Variants in ULK4 observed in about 807,000 individuals in gnomAD.
The protein encoded by ULK4 is unc-51 like kinase 4.
In ULK4, 133 loss-of-function variants were observed where a neutral mutation model predicts 160.6. The observed-to-expected ratio is 0.83, with a 90% CI of 0.72 to 0.96. The LOEUF (loss-of-function observed/expected upper bound fraction) is 0.96, where lower values mean the gene tolerates loss of function less well. ULK4 is among the 40% of genes least tolerant of loss of function. The pLI is 0.00. For synonymous variants in ULK4, 534 were observed against 539.8 expected, an observed-to-expected ratio of 0.99 and a Z score of 0.15; for missense variants, 1,580 against 1,499.5, an observed-to-expected ratio of 1.05 and a Z score of -0.89.
At chr3:41,390,972 C>T (rs891256226) in intron 35 of ULK4, among the ~76,000 whole-genome samples, 11 of 151,982 alleles carry the variant, frequency 7.2e-5, no homozygotes, top group Non-Finnish European at 1.5e-5. Context: ...CCTTCACAGC[C>T]TCTAGAACTC....
At chr3:41,669,837 T>C (rs959973954) in intron 29 of ULK4, among the ~76,000 whole-genome samples, 2 of 152,126 alleles carry the variant, frequency 1.3e-5, no homozygotes, top group Admixed American at 6.5e-5. Context: ...GATAATAACA[T>C]AGACAATAAC....
At chr3:41,830,930 C>T (rs2041558275) in intron 18 of ULK4, among the ~76,000 whole-genome samples, 2 of 151,754 alleles carry the variant, frequency 1.3e-5, no homozygotes, top group Non-Finnish European at 2.9e-5. Context: ...CCAGCCCTAT[C>T]CCCAAAGAAC....
chr3:41,748,159 T>TATAC (rs1553643740), intron 22 of ULK4, among the ~76,000 whole-genome samples: 15 of 140,908 alleles, frequency 1.1e-4, no homozygotes, highest in Middle Eastern at 4.0e-3. Context: ...TATATATATA[T>TATAC]ACACACACAC....
At chr3:41,604,464 T>C (rs1018821957) in intron 31 of ULK4, among the ~76,000 whole-genome samples, 1 of 152,080 alleles carries the variant, frequency 6.6e-6, no homozygotes, top group African/African-American at 2.4e-5. Flanking sequence ...GTGACACATA[T>C]AGAGCACATG....
intron 17 of ULK4, among the ~76,000 whole-genome samples, chr3:41,852,515 G>T (rs79875540): frequency 0.058 from 8,878 of 152,024 alleles, 821 homozygotes; most frequent in African/African-American, 0.2. Context: ...AAAAATGCTG[G>T]ATAAAATATC....
At chr3:41,866,515 G>A (rs554334659) in intron 17 of ULK4, among the ~76,000 whole-genome samples, 125 of 152,270 alleles carry the variant, frequency 8.2e-4, no homozygotes, top group South Asian at 1.2e-3. Flanking sequence ...TAGGGTTCAC[G>A]CTCCTATGAG....
intron 34 of ULK4, among the ~76,000 whole-genome samples, chr3:41,454,585 GAATT>G (rs992291461): frequency 2.5e-4 from 38 of 150,404 alleles, no homozygotes; most frequent in Non-Finnish European, 4.3e-4. Flanking sequence ...AAAGATGATA[GAATT>G]AATTGGCAAA....
intron 25 of ULK4, among the ~76,000 whole-genome samples, chr3:41,710,202 T>C (rs950442592): frequency 7.2e-5 from 11 of 152,182 alleles, no homozygotes; most frequent in African/African-American, 2.7e-4. Context: ...ACCTTATACT[T>C]CCCCTATTTA....
chr3:41,707,523 A>C (rs2036941908), intron 25 of ULK4, among the ~76,000 whole-genome samples: 1 of 152,198 alleles, frequency 6.6e-6, no homozygotes, highest in African/African-American at 2.4e-5. Flanking sequence ...GTAAGAAGGC[A>C]AATAACCCAA....
At position 41,883,972 on chromosome 3, in the gene ULK4, A is replaced by T; in HGVS notation, c.1578-20T>A. On this transcript the variant is annotated intron_variant, in intron 16 of 36. Transcript: ENST00000301831. ...GCCCGTCTGTAAATGGAGAGAAAACAGGCTCTGAAAAGAAGAGTCGGGGAC... is the reference window on the plus strand; with the variant it reads ...GCCCGTCTGTAAATGGAGAGAAAACTGGCTCTGAAAAGAAGAGTCGGGGAC... 2 of 1,570,816 alleles carry T rather than the reference A, an allele frequency of 1.3e-6. No individual in the cohort carries two copies. The highest frequency in any genetic ancestry group is 8.8e-7 in the Non-Finnish European group (1 of 1,140,000).
chr3:41,896,828 G>T lies in ULK4; in HGVS notation c.1524C>A (p.Ser508=). The T allele has an allele frequency of 6.2e-7, 1 of 1,611,998 alleles. No homozygotes were observed. The change falls in exon 15 of 37, where the codon TCC becomes TCA. Residue 508 remains serine (S), a synonymous_variant. Transcript: ENST00000301831. ...HQEVATRLLH[S]PLFQLLIQHL... ...GCATGTCACACAGGCTTACCAGGGGGGAATGGAGGAGCCTGGTGGCCACCT... is the reference window on the plus strand; with the variant it reads ...GCATGTCACACAGGCTTACCAGGGGTGAATGGAGGAGCCTGGTGGCCACCT...
intron 35 of ULK4, among the ~76,000 whole-genome samples, chr3:41,251,939 C>A (rs2078750449): frequency 6.6e-6 from 1 of 152,180 alleles, no homozygotes; most frequent in Non-Finnish European, 1.5e-5. Flanking sequence ...GCCTCACCCC[C>A]AACCTGTGTA....
chr3:41,778,133 A>C (rs1361607339), intron 21 of ULK4, among the ~76,000 whole-genome samples: 1 of 124,084 alleles, frequency 8.1e-6, no homozygotes, highest in Non-Finnish European at 1.6e-5. Flanking sequence ...ACTTCAGCAA[A>C]GTCTCAGGAT....
At chr3:41,851,524 T>G (rs979070765) in intron 17 of ULK4, among the ~76,000 whole-genome samples, 1 of 152,220 alleles carries the variant, frequency 6.6e-6, no homozygotes, top group African/African-American at 2.4e-5. Flanking sequence ...TCAGGGATAT[T>G]GGTCTAAAAT....
At chr3:41,575,034 TCAGA>T (rs2125619454) in intron 31 of ULK4, among the ~76,000 whole-genome samples, 1 of 152,264 alleles carries the variant, frequency 6.6e-6, no homozygotes, top group East Asian at 1.9e-4. Context: ...ACAAAAATCA[TCAGA>T]CAGCAGATGC....
At chr3:41,405,994 T>C (rs2082286271) in intron 34 of ULK4, among the ~76,000 whole-genome samples, 1 of 152,166 alleles carries the variant, frequency 6.6e-6, no homozygotes. Context: ...CATCAATTTT[T>C]GTTTGTGTTG....
chr3:41,454,945 C>T (rs1253446668), intron 34 of ULK4, among the ~76,000 whole-genome samples: 1 of 152,146 alleles, frequency 6.6e-6, no homozygotes, highest in African/African-American at 2.4e-5. Context: ...GATCCACTCA[C>T]CTTGGTTTCC....
At chr3:41,940,833 T>C (rs954949837) in intron 2 of ULK4, among the ~76,000 whole-genome samples, 2 of 152,192 alleles carry the variant, frequency 1.3e-5, no homozygotes, top group African/African-American at 4.8e-5. Context: ...ATCATAAGAA[T>C]ACTTGTGCAT....
chr3:41,708,518 G>A (rs775623926), intron 25 of ULK4, among the ~76,000 whole-genome samples: 1 of 152,134 alleles, frequency 6.6e-6, no homozygotes, highest in Non-Finnish European at 1.5e-5. Flanking sequence ...CCAGGGACTG[G>A]GGGTAGGGGA....
Sources: gnomAD v4.1 joint callset for allele counts (sites outside exome capture counted in the v4.1 genomes callset) on GRCh38, gnomAD v4.1.1 for gene constraint, MANE v1.5 for transcripts, NCBI Gene and HGNC (gene_info 2026-07-23, HGNC 2026-07-21) for gene names.